GPR149: variants seen among roughly 807,000 people sequenced by gnomAD.
The protein encoded by GPR149 is probable G protein-coupled receptor 149.
Under a neutral mutation model 50.2 loss-of-function variants are expected in GPR149, and 50 were observed. The observed-to-expected ratio is 1.00, with a 90% CI of 0.79 to 1.26. The LOEUF (loss-of-function observed/expected upper bound fraction) is 1.26, where lower values mean the gene tolerates loss of function less well. Among genes scored for constraint, GPR149 ranks in the 50% most tolerant of loss-of-function variants. GPR149 has a pLI of 0.00. For missense variants in GPR149, 983 were observed against 895.4 expected, an observed-to-expected ratio of 1.10 and a Z score of -1.25; for synonymous variants, 405 against 358.2, an observed-to-expected ratio of 1.13 and a Z score of -1.48.
chr3:154,404,243 C>G (rs1375989551), intron 3 of GPR149, among the ~76,000 whole-genome samples: 1 of 152,090 alleles, frequency 6.6e-6, no homozygotes, highest in Non-Finnish European at 1.5e-5. Context: ...GTGTGGTGGT[C>G]ACTCACTGTT....
At chr3:154,362,632 C>T (rs957532591) in intron 3 of GPR149, among the ~76,000 whole-genome samples, 2 of 152,082 alleles carry the variant, frequency 1.3e-5, no homozygotes, top group Admixed American at 1.3e-4. Flanking sequence ...AGAGTGGAAG[C>T]CAGGTTGCAA....
rs888159187 is a variant in GPR149, at chr3:154,416,406, A to G, written c.1623+4633T>C. Among the ~76,000 whole-genome samples the G allele has an allele frequency of 2.6e-5, 4 of 151,814 alleles. No homozygotes were observed. In the East Asian group the frequency reaches 7.7e-4, roughly 29 times the overall value. The stretch of plus-strand genomic sequence containing the variant: ...TGGAGAATCTTGGATCCCATCTCAT[A>G]CCTAATCAATCAAAATCTGCATTTT... On this transcript the variant is annotated intron_variant, in intron 3 of 3. Coordinates refer to ENST00000389740, the MANE Select transcript of GPR149 (RefSeq NM_001038705.3).
At chr3:154,411,638 G>T (rs1711836888) in intron 3 of GPR149, among the ~76,000 whole-genome samples, 1 of 152,014 alleles carries the variant, frequency 6.6e-6, no homozygotes, top group South Asian at 2.1e-4. Context: ...AACCCTTCTA[G>T]ATTAAACCAG....
Position 154,336,288 on chromosome 3 carries a change from G to A in GPR149, c.*1411C>T, listed in dbSNP as rs913452921. On this transcript the variant is annotated 3_prime_UTR_variant, in exon 4 of 4. Coordinates refer to ENST00000389740, the MANE Select transcript of GPR149 (RefSeq NM_001038705.3). ...CAAAAGATGAAACATTCTGAAAGCCGATGTCAAGTAATTTTGAATTCTAAT... is the reference window on the plus strand; with the variant it reads ...CAAAAGATGAAACATTCTGAAAGCCAATGTCAAGTAATTTTGAATTCTAAT... The A allele has an allele frequency of 2.6e-5, 4 of 152,006 alleles. No homozygotes were observed. The highest frequency in any genetic ancestry group is 2.0e-4 in the Admixed American group (3 of 15,266). The allele number at this position is 152,006 out of a possible 1,614,324, so 9.4% of individuals were successfully genotyped here. A position where few individuals can be genotyped will look rare whatever the true frequency, so the allele number is the denominator to read the frequency against.
chr3:154,363,586 T>A (rs1010380033), intron 3 of GPR149, among the ~76,000 whole-genome samples: 1 of 152,022 alleles, frequency 6.6e-6, no homozygotes, highest in Non-Finnish European at 1.5e-5. Context: ...ACAAATTCCT[T>A]AGGCAGACAG....
At chr3:154,381,960 C>G (rs1379773043) in intron 3 of GPR149, among the ~76,000 whole-genome samples, 1 of 152,182 alleles carries the variant, frequency 6.6e-6, no homozygotes, top group Non-Finnish European at 1.5e-5. Context: ...GATCCACTTT[C>G]TTGCCCAGCT....
chr3:154,422,932 A>G (rs1712187094), intron 2 of GPR149, among the ~76,000 whole-genome samples: 2 of 151,888 alleles, frequency 1.3e-5, no homozygotes, highest in Admixed American at 6.6e-5. Context: ...ATATAAAGTG[A>G]CAAATTGTCA....
At chr3:154,387,646 A>G (rs1715075771) in intron 3 of GPR149, among the ~76,000 whole-genome samples, 1 of 152,154 alleles carries the variant, frequency 6.6e-6, no homozygotes, top group Non-Finnish European at 1.5e-5. Flanking sequence ...TGTCTTAATT[A>G]AGCTTCAAAA....
chr3:154,429,728 T>C lies in GPR149; in HGVS notation c.-113A>G. ...TCCTCCTACCAAGTTCCCCTCTAGA[T>C]GTTCTCCTTGTCAGTCCTGCAGAAA... is the stretch of plus-strand genomic sequence containing the variant. On this transcript the variant is annotated 5_prime_UTR_variant, in exon 1 of 4. Transcript: ENST00000389740. The C allele has an allele frequency of 4.5e-6, 4 of 893,312 alleles. No individual in the cohort carries two copies. Among genetic ancestry groups the C allele is most frequent in the Non-Finnish European group, 7.0e-6 (4 of 574,148 alleles). 55.3% of individuals were successfully genotyped at this position (893,312 alleles called of 1,614,324 possible).
chr3:154,351,730 A>C (rs1191947243), intron 3 of GPR149, among the ~76,000 whole-genome samples: 2 of 152,196 alleles, frequency 1.3e-5, no homozygotes, highest in African/African-American at 2.4e-5. Flanking sequence ...TACAGGGATA[A>C]ATAATTTAAT....
intron 3 of GPR149, among the ~76,000 whole-genome samples, chr3:154,390,163 G>A (rs543919104): frequency 6.2e-4 from 95 of 152,210 alleles, no homozygotes; most frequent in African/African-American, 2.3e-3. Flanking sequence ...TGAAGACTGG[G>A]AGTGCGGACA....
chr3:154,379,072 C>T, intron 3 of GPR149, among the ~76,000 whole-genome samples: 1 of 8,576 alleles, frequency 1.2e-4, no homozygotes. Context: ...AACCCCGTCT[C>T]TACTAAAAAT....
At chr3:154,390,357 T>G (rs1178960024) in intron 3 of GPR149, among the ~76,000 whole-genome samples, 5 of 151,808 alleles carry the variant, frequency 3.3e-5, no homozygotes, top group Non-Finnish European at 7.4e-5. Context: ...AAAAGGAGAA[T>G]TTCAACAAAG....
At chr3:154,368,166 C>G (rs1448074314) in intron 3 of GPR149, among the ~76,000 whole-genome samples, 1 of 152,236 alleles carries the variant, frequency 6.6e-6, no homozygotes. Context: ...CCGCCAGAGG[C>G]TCCCCCTGCA....
intron 3 of GPR149, among the ~76,000 whole-genome samples, chr3:154,410,124 T>C (rs1055161715): frequency 6.6e-6 from 1 of 152,126 alleles, no homozygotes; most frequent in East Asian, 1.9e-4. Flanking sequence ...TTGTATCCAG[T>C]GAAATTAAGC....
chr3:154,371,563 C>A, intron 3 of GPR149, among the ~76,000 whole-genome samples: 1 of 152,154 alleles, frequency 6.6e-6, no homozygotes, highest in East Asian at 1.9e-4. Flanking sequence ...GAATTGCCAA[C>A]TCCCTAGTGA....
chr3:154,402,497 T>G (rs1160085676), intron 3 of GPR149, among the ~76,000 whole-genome samples: 1 of 58,490 alleles, frequency 1.7e-5, no homozygotes, highest in Non-Finnish European at 4.1e-5. Context: ...GATATTTACA[T>G]CAATTCCTAG....
chr3:154,352,263 G>T, intron 3 of GPR149: 1 of 843,218 alleles, frequency 1.2e-6, no homozygotes, highest in Non-Finnish European at 1.9e-6. Context: ...GCCACCAGAT[G>T]GACCACCTGA....
chr3:154,349,399 A>G (rs975330359), intron 3 of GPR149, among the ~76,000 whole-genome samples: 5 of 152,188 alleles, frequency 3.3e-5, no homozygotes, highest in African/African-American at 1.2e-4. Flanking sequence ...AGTATTAGGA[A>G]TGAAACAGGA....
Sources: allele counts gnomAD v4.1 joint callset (sites outside exome capture counted in the v4.1 genomes callset), GRCh38; gene constraint gnomAD v4.1.1; transcripts MANE v1.5; gene names NCBI Gene and HGNC (gene_info 2026-07-23, HGNC 2026-07-21).